Variants in XRN2 observed in about 807,000 individuals in gnomAD.
The protein encoded by XRN2 is DHM1-like protein.
Under a neutral mutation model 138.5 loss-of-function variants are expected in XRN2, and 44 were observed. The observed-to-expected ratio is 0.32, with a 90% CI of 0.25 to 0.41. The LOEUF is 0.41. Ranked by LOEUF, XRN2 falls within the 10% of genes least tolerant of loss-of-function variation. The pLI is 1.00. For synonymous variants in XRN2, 354 were observed against 369.4 expected (o/e 0.96, Z 0.48); for missense variants, 937 against 1,169.3 (o/e 0.80, Z 2.90).
In XRN2 at chr20:21,340,812, C is replaced by G. The variant is rs139083502; in HGVS notation, c.1370C>G (p.Pro457Arg). 6.2e-7 allele frequency: 1 copy of G among 1,613,854 alleles called. No individual in the cohort carries two copies. The highest frequency in any genetic ancestry group is 8.5e-7 in the Non-Finnish European group (1 of 1,179,866). Residue 457 changes from proline (P) to arginine (R), a missense_variant, in exon 15 of 30, where the codon CCG becomes CGG. Around this residue, in one of 6 missense-constraint regions of XRN2, gnomAD observed 471 missense variants for 581.2 expected, o/e 0.81. Transcript: ENST00000377191. ...CCAGGTTCTCAAGTAGCCAGTAATC[C>G]GAGACAAGCAGCCTATGAAATGAGG... ...NSPGSQVASN[P>R]RQAAYEMRMQ...
chr20:21,313,500 G>A (rs2037914716), intron 1 of XRN2, among the ~76,000 whole-genome samples: 1 of 152,214 alleles, frequency 6.6e-6, no homozygotes, highest in African/African-American at 2.4e-5. Flanking sequence ...GATTGGCTAT[G>A]TATGTATCAC....
rs199951355 is a variant in XRN2 at position 21,328,642 on chromosome 20, G to C, written c.399G>C (p.Gln133His). Residue 133 changes from glutamine (Q) to histidine (H), a missense_variant, in exon 4 of 30, where the codon CAG (glutamine) becomes CAC (histidine). Physicochemically the swap from Gln to His is conservative, Grantham distance 24. Around this residue, in one of 6 missense-constraint regions of XRN2, gnomAD observed 471 missense variants for 581.2 expected, o/e 0.81. Coordinates refer to ENST00000377191, the MANE Select transcript of XRN2 (RefSeq NM_012255.5). ...GAATGGAAGCAGCAGTCGAGAAGCA[G>C]CGAGTCAGGGAAGAAATATTGGCAA... ...KEGMEAAVEK[Q>H]RVREEILAKG... 1 of 1,614,060 alleles carries C rather than the reference G, an allele frequency of 6.2e-7. No individual in the cohort carries two copies. Among genetic ancestry groups the C allele is most frequent in the Non-Finnish European group, 8.5e-7 (1 of 1,179,980 alleles).
intron 28 of XRN2, among the ~76,000 whole-genome samples, chr20:21,385,962 G>T (rs1002384274): frequency 6.6e-5 from 10 of 152,144 alleles, no homozygotes; most frequent in African/African-American, 2.4e-4. Context: ...TCTTTGTAGT[G>T]CCTTCCATAA....
intron 27 of XRN2, among the ~76,000 whole-genome samples, chr20:21,378,214 A>AT (rs1366332348): frequency 3.3e-5 from 5 of 152,206 alleles, no homozygotes; most frequent in African/African-American, 1.2e-4. Flanking sequence ...TCCTAATTGG[A>AT]TATGAGTAAT....
chr20:21,314,154 G>C (rs1054927892), intron 1 of XRN2, among the ~76,000 whole-genome samples: 7 of 152,090 alleles, frequency 4.6e-5, no homozygotes, highest in African/African-American at 1.7e-4. Context: ...ATTTTTCCTA[G>C]TCTGGACTTT....
At chr20:21,338,907 C>T in intron 13 of XRN2, 137 bp from the exon 14 acceptor site, 2 of 726,934 alleles carry the variant, frequency 2.8e-6, no homozygotes, top group Non-Finnish European at 4.7e-6. Context: ...AGTCTTATTG[C>T]CTGGTTTAAT....
At chr20:21,321,394 A>C (rs1334570706) in intron 1 of XRN2, among the ~76,000 whole-genome samples, 1 of 150,780 alleles carries the variant, frequency 6.6e-6, no homozygotes, top group African/African-American at 2.4e-5. Flanking sequence ...GTAGTGGCAC[A>C]ATCAGCTCAC....
chr20:21,358,100 A>T (rs1295123479), intron 24 of XRN2, among the ~76,000 whole-genome samples: 1 of 152,168 alleles, frequency 6.6e-6, no homozygotes, highest in Non-Finnish European at 1.5e-5. Flanking sequence ...GTTATATAGG[A>T]ACAAACAGAA....
chr20:21,382,101 C>G, intron 28 of XRN2, 44 bp downstream of exon 28: 1 of 1,544,996 alleles, frequency 6.5e-7, no homozygotes, highest in Non-Finnish European at 8.8e-7. Context: ...TTTCTGACAC[C>G]AACATTTGGG....
intron 27 of XRN2, among the ~76,000 whole-genome samples, chr20:21,378,890 G>A (rs2038853308): frequency 6.6e-6 from 1 of 152,224 alleles, no homozygotes; most frequent in Non-Finnish European, 1.5e-5. Context: ...TTTGGCTGAT[G>A]AGTAATTGTC....
At chr20:21,351,376 T>C (rs1284995414) in intron 20 of XRN2, among the ~76,000 whole-genome samples, 2 of 152,250 alleles carry the variant, frequency 1.3e-5, no homozygotes, top group Admixed American at 1.3e-4. Flanking sequence ...TTTCATGTCC[T>C]TTTTGGCCAT....
intron 24 of XRN2, among the ~76,000 whole-genome samples, chr20:21,359,524 C>CAA (rs11480541): frequency 3.0e-4 from 39 of 129,666 alleles, no homozygotes; most frequent in African/African-American, 7.6e-4. Context: ...GACTCCATCT[C>CAA]AAAAAAAAAA....
In XRN2 at chr20:21,330,676, A is replaced by C; in HGVS notation, c.547A>C (p.Asn183His). The C allele has an allele frequency of 6.2e-7, 1 of 1,612,946 alleles. No individual in the cohort carries two copies. Residue 183 changes from asparagine (N) to histidine (H), a missense_variant, in exon 6 of 30, where the codon AAT (asparagine) becomes CAT (histidine). Coordinates refer to ENST00000377191, the MANE Select transcript of XRN2 (RefSeq NM_012255.5). Reference protein sequence around the residue: ...CLRYYIADRLNNDPGWKNLTV... With the variant: ...CLRYYIADRLHNDPGWKNLTV... ...TCGCTATTACATAGCTGATCGTTTA[A>C]ATAATGACCCTGGGTGGAAAAATTT...
In XRN2 at chr20:21,348,221, A is replaced by G. The variant is rs373549672; in HGVS notation, c.1741A>G (p.Met581Val). Residue 581 changes from methionine to valine, a missense_variant, in exon 18 of 30, where the codon ATG (methionine) becomes GTG (valine). Met to Val is a conservative substitution (Grantham distance 21). Coordinates refer to ENST00000377191, the MANE Select transcript of XRN2 (RefSeq NM_012255.5). ...FASDFEGIAD[M>V]PSDFEKGTKP... ...TTCAGACTTTGAAGGCATTGCAGAC[A>G]TGCCATCTGATTTTGAGAAGGGTAC... 1.1e-5 allele frequency: 18 copies of G among 1,613,978 alleles called. No individual in the cohort carries two copies. The highest frequency in any genetic ancestry group is 5.3e-5 in the African/African-American group (4 of 74,938).
At position 21,346,489 on chromosome 20, in the gene XRN2, G is replaced by T. The variant is rs374492338; in HGVS notation, c.1604G>T (p.Arg535Leu). The T allele has an allele frequency of 1.2e-6, 2 of 1,614,186 alleles. No homozygotes were observed. Among genetic ancestry groups the T allele is most frequent in the South Asian group, 1.1e-5 (1 of 91,090 alleles). ...FDVDAADEKF[R>L]RKVVQSYVEG... Reference sequence around the variant, plus strand: ...GTGGATGCAGCTGATGAGAAATTCCGTCGGAAAGTTGTGCAGTCGTACGTT... The same window carrying T: ...GTGGATGCAGCTGATGAGAAATTCCTTCGGAAAGTTGTGCAGTCGTACGTT... Residue 535 changes from arginine to leucine, a missense_variant, in exon 17 of 30, where the codon CGT (arginine) becomes CTT (leucine). Physicochemically the swap from Arg to Leu is moderately radical, Grantham distance 102. This residue lies in a region of XRN2 where 471 missense variants were observed against 581.2 expected (regional missense o/e 0.81). Transcript: ENST00000377191.
intron 27 of XRN2, among the ~76,000 whole-genome samples, chr20:21,372,709 G>A (rs771951523): frequency 2.6e-5 from 4 of 151,994 alleles, no homozygotes; most frequent in South Asian, 2.1e-4. Flanking sequence ...AAATCGAACC[G>A]TACAGTGTAG....
chr20:21,339,190 A>G (rs202844), intron 14 of XRN2, 102 bp downstream of exon 14: 1,168,283 of 1,213,644 alleles, frequency 0.96, 562,411 homozygotes, highest in African/African-American at 0.99. Flanking sequence ...AGTAGGACTT[A>G]GTCAGGGACG....
At chr20:21,386,602 A>G (rs191378812) in intron 28 of XRN2, among the ~76,000 whole-genome samples, 69 of 152,344 alleles carry the variant, frequency 4.5e-4, no homozygotes, top group African/African-American at 1.6e-3. Flanking sequence ...AAATTTCCCA[A>G]TTGAAAATGA....
chr20:21,357,138 G>T (rs1462380707), intron 23 of XRN2, among the ~76,000 whole-genome samples: 1 of 152,052 alleles, frequency 6.6e-6, no homozygotes, highest in Non-Finnish European at 1.5e-5. Flanking sequence ...AACATGTAGG[G>T]TATCTTTTAG....
Sources: gnomAD v4.1 joint callset for allele counts (sites outside exome capture counted in the v4.1 genomes callset) on GRCh38, gnomAD v4.1.1 for gene constraint, gnomAD v4.1.1 regional missense constraint, MANE v1.5 for transcripts, NCBI Gene and HGNC (gene_info 2026-07-23, HGNC 2026-07-21) for gene names.